Variants in NECTIN3 observed in about 807,000 individuals in gnomAD.
NECTIN3 encodes nectin-3.
A neutral mutation model predicts 49.4 loss-of-function variants in NECTIN3; 8 were observed. That is an observed-to-expected ratio of 0.16 (90% CI 0.10 to 0.29). The LOEUF (loss-of-function observed/expected upper bound fraction) is 0.29, where lower values mean the gene tolerates loss of function less well. NECTIN3 is among the 10% of genes least tolerant of loss of function. The pLI, the probability that NECTIN3 is intolerant of heterozygous loss-of-function variation, is 1.00. For missense variants in NECTIN3, 581 were observed against 654.6 expected (o/e 0.89, Z 1.23); for synonymous variants, 277 against 241.1 (o/e 1.15, Z -1.38).
At chr3:111,157,604 G>A (rs761464168) in intron 7 of NECTIN3, among the ~76,000 whole-genome samples, 13 of 152,106 alleles carry the variant, frequency 8.5e-5, no homozygotes, top group Non-Finnish European at 1.8e-4. Flanking sequence ...AGAATACTCA[G>A]TGTAAAGATG....
chr3:111,116,378 C>T (rs1005039086), intron 2 of NECTIN3, among the ~76,000 whole-genome samples: 6 of 152,122 alleles, frequency 3.9e-5, no homozygotes, highest in Non-Finnish European at 7.4e-5. Context: ...TAGTATCATT[C>T]TAAATCCATA....
chr3:111,153,901 GA>G (rs1196401897), intron 7 of NECTIN3, among the ~76,000 whole-genome samples: 1 of 151,972 alleles, frequency 6.6e-6, no homozygotes, highest in Non-Finnish European at 1.5e-5. Context: ...AATAAAAGAT[GA>G]AAAAAATTGT....
intron 7 of NECTIN3, among the ~76,000 whole-genome samples, chr3:111,177,634 A>T (rs1381063324): frequency 6.6e-6 from 1 of 152,198 alleles, no homozygotes; most frequent in Non-Finnish European, 1.5e-5. Flanking sequence ...GGGTGTGTTG[A>T]TGAAACTAAG....
intron 6 of NECTIN3, among the ~76,000 whole-genome samples, chr3:111,146,390 C>T (rs1213049911): frequency 1.3e-5 from 2 of 148,440 alleles, no homozygotes; most frequent in African/African-American, 2.5e-5. Context: ...GCGGAGATCC[C>T]GCCACTGCAC....
chr3:111,109,580 T>C (rs1169877953), intron 1 of NECTIN3, among the ~76,000 whole-genome samples: 1 of 152,088 alleles, frequency 6.6e-6, no homozygotes, highest in African/African-American at 2.4e-5. Flanking sequence ...AGTATTTTGC[T>C]CATGCTCTTT....
chr3:111,134,091 A>T lies in NECTIN3; in HGVS notation c.1526A>T (p.Asp509Val). ...CTCAATAGGTTTGAAAGACCAATGG[A>T]TTATTATGAAGATCTAAAAATGGGA... ...ENLNRFERPM[D>V]YYEDLKMGMK... Residue 509 changes from aspartate to valine, a missense_variant, in exon 6 of 6, where the codon GAT becomes GTT. Physicochemically the swap from Asp to Val is radical, Grantham distance 152. This residue lies in a region of NECTIN3 where 238 missense variants were observed against 244.9 expected (regional missense o/e 0.97). Transcript: ENST00000485303. 1 of 1,613,694 alleles carries T rather than the reference A, an allele frequency of 6.2e-7. No homozygotes were observed.
chr3:111,093,989 A>C (rs1392904436), intron 1 of NECTIN3, among the ~76,000 whole-genome samples: 1 of 152,146 alleles, frequency 6.6e-6, no homozygotes, highest in Non-Finnish European at 1.5e-5. Flanking sequence ...TTAGAATATC[A>C]AATTGTGACA....
intron 4 of NECTIN3, 79 bp from the exon 5 acceptor site, chr3:111,126,105 A>C: frequency 9.9e-7 from 1 of 1,013,216 alleles, no homozygotes; most frequent in Non-Finnish European, 1.3e-6. Context: ...TCTCAAACAT[A>C]TAATGCCTCA....
At chr3:111,160,823 C>T (rs2035198591) in intron 7 of NECTIN3, among the ~76,000 whole-genome samples, 1 of 152,022 alleles carries the variant, frequency 6.6e-6, no homozygotes, top group Non-Finnish European at 1.5e-5. Flanking sequence ...GTGGCTAACA[C>T]GGTGAAACCC....
chr3:111,078,459 A>G (rs1293313240), intron 1 of NECTIN3, among the ~76,000 whole-genome samples: 1 of 152,176 alleles, frequency 6.6e-6, no homozygotes, highest in African/African-American at 2.4e-5. Context: ...ATGTTTTAAT[A>G]CATTTGGGAA....
At chr3:111,163,381 G>A (rs1334808435) in intron 7 of NECTIN3, among the ~76,000 whole-genome samples, 1 of 152,160 alleles carries the variant, frequency 6.6e-6, no homozygotes, top group Non-Finnish European at 1.5e-5. Context: ...ATAAGGCAAG[G>A]TTATGTAAAC....
intron 1 of NECTIN3, among the ~76,000 whole-genome samples, chr3:111,084,268 C>G (rs1285684374): frequency 6.6e-6 from 1 of 151,378 alleles, no homozygotes; most frequent in Non-Finnish European, 1.5e-5. Context: ...GATGTTGGGA[C>G]TTAGGATAGA....
At chr3:111,097,446 A>G (rs867812401) in intron 1 of NECTIN3, among the ~76,000 whole-genome samples, 29 of 152,170 alleles carry the variant, frequency 1.9e-4, no homozygotes, top group Middle Eastern at 6.8e-3. Context: ...GACTCTTGGG[A>G]AGGCATGATT....
In NECTIN3 at chr3:111,137,025, C is replaced by A; in HGVS notation, c.*2810C>A. 2.0e-6 allele frequency: 2 copies of A among 975,806 alleles called. No homozygotes were observed. The highest frequency in any genetic ancestry group is 2.4e-6 in the Non-Finnish European group (2 of 821,484). The allele number at this position is 975,806 out of a possible 1,614,324, so 60.4% of individuals were successfully genotyped here. A position where few individuals can be genotyped will look rare whatever the true frequency, so the allele number is the denominator to read the frequency against. The stretch of plus-strand genomic sequence containing the variant: ...CAGTAGTAAGTGTTGCTTCTAATAG[C>A]CATATACAGGAAAGTTTTATAAGAT... On this transcript the variant is annotated 3_prime_UTR_variant, in exon 6 of 6. Transcript: ENST00000485303.
chr3:111,119,360 G>A (rs926221517), intron 3 of NECTIN3, among the ~76,000 whole-genome samples: 3 of 152,072 alleles, frequency 2.0e-5, no homozygotes, highest in Non-Finnish European at 2.9e-5. Context: ...TCTGCCGCCA[G>A]GCTGGACTGC....
At chr3:111,109,968 A>G (rs901340448) in intron 1 of NECTIN3, among the ~76,000 whole-genome samples, 1 of 152,042 alleles carries the variant, frequency 6.6e-6, no homozygotes, top group Admixed American at 6.6e-5. Context: ...TGTTTTAAAT[A>G]TTAATGTTTA....
At chr3:111,144,180 T>A (rs1042582275) in intron 5 of NECTIN3, among the ~76,000 whole-genome samples, 1 of 152,046 alleles carries the variant, frequency 6.6e-6, no homozygotes, top group Non-Finnish European at 1.5e-5. Context: ...CAGCCAAATA[T>A]GTTTTTTAAA....
chr3:111,178,657 G>T (rs554595013), intron 7 of NECTIN3, among the ~76,000 whole-genome samples: 24 of 152,256 alleles, frequency 1.6e-4, no homozygotes, highest in African/African-American at 5.1e-4. Context: ...GGCAAAGCTC[G>T]CCAGTCTTGA....
chr3:111,159,662 A>C (rs1037468088), intron 7 of NECTIN3, among the ~76,000 whole-genome samples: 1 of 152,188 alleles, frequency 6.6e-6, no homozygotes, highest in Non-Finnish European at 1.5e-5. Context: ...AATTTCCTCC[A>C]ACATCATTCC....
Sources: allele counts gnomAD v4.1 joint callset (sites outside exome capture counted in the v4.1 genomes callset), GRCh38; gene constraint gnomAD v4.1.1; regional missense constraint gnomAD v4.1.1; transcripts MANE v1.5; gene names NCBI Gene and HGNC (gene_info 2026-07-23, HGNC 2026-07-21).